The following TBX1 variants were observed in gnomAD, a reference collection of about 807,000 sequenced individuals.
TBX1 encodes the protein T-box transcription factor TBX1.
A neutral mutation model predicts 40.8 loss-of-function variants in TBX1; 16 were observed. That is an observed-to-expected ratio of 0.39 (90% CI 0.27 to 0.60). The LOEUF (loss-of-function observed/expected upper bound fraction) is 0.60, where lower values mean the gene tolerates loss of function less well. Ranked by LOEUF, TBX1 falls within the 20% of genes least tolerant of loss-of-function variation. The pLI, the probability that TBX1 is intolerant of heterozygous loss-of-function variation, is 0.51. For missense variants in TBX1, 755 were observed against 728.5 expected, an observed-to-expected ratio of 1.04 and a Z score of -0.42; for synonymous variants, 403 against 336.8, an observed-to-expected ratio of 1.20 and a Z score of -2.15.
chr22:19,773,991 G>A (rs761010935), intron 8 of TBX1, among the ~76,000 whole-genome samples: 31 of 152,240 alleles, frequency 2.0e-4, no homozygotes, highest in Non-Finnish European at 3.7e-4. Context: ...TTGAGCTGCA[G>A]GACAGAGATC....
chr22:19,769,744 G>A (rs1936956825), downstream of TBX1, among the ~76,000 whole-genome samples: 1 of 152,272 alleles, frequency 6.6e-6, no homozygotes, highest in African/African-American at 2.4e-5. Flanking sequence ...GATGGTGGCA[G>A]GAGATGGAGC....
downstream of TBX1, among the ~76,000 whole-genome samples, chr22:19,770,574 G>T (rs1936973247): frequency 6.6e-6 from 1 of 152,246 alleles, no homozygotes; most frequent in African/African-American, 2.4e-5. Context: ...ACCTTGAGCT[G>T]CGGAGGAAGA....
chr22:19,760,032 C>A (rs779864328), upstream of TBX1, among the ~76,000 whole-genome samples: 1 of 151,818 alleles, frequency 6.6e-6, no homozygotes, highest in Non-Finnish European at 1.5e-5. Flanking sequence ...CTCGAGGAAG[C>A]CGTGGAGACG....
At chr22:19,757,120 GA>G (rs1569014696), upstream of TBX1, among the ~76,000 whole-genome samples, 1 of 152,182 alleles carries the variant, frequency 6.6e-6, no homozygotes, top group Non-Finnish European at 1.5e-5. Flanking sequence ...CCGGGGGTCC[GA>G]AATCAAGCGA....
At chr22:19,763,508 G>T in intron 2 of TBX1, 166 bp downstream of exon 2, 1 of 661,714 alleles carries the variant, frequency 1.5e-6, no homozygotes, top group South Asian at 1.7e-5. Context: ...TCTGACCCCA[G>T]ACCCACAACC....
At chr22:19,777,920 C>T (rs41297838) in intron 8 of TBX1, among the ~76,000 whole-genome samples, 22,525 of 151,732 alleles carry the variant, frequency 0.15, 2,400 homozygotes, top group East Asian at 0.44. Flanking sequence ...CCACCATGCC[C>T]GGCTAATTTT....
chr22:19,768,953 C>CTTTTT (rs36085623), downstream of TBX1, among the ~76,000 whole-genome samples: 63 of 66,118 alleles, frequency 9.5e-4, 7 homozygotes, highest in East Asian at 2.8e-3. Flanking sequence ...TGTTCGCATT[C>CTTTTT]TTTTTTTTTT....
At chr22:19,765,251 C>A in intron 4 of TBX1, 138 bp downstream of exon 4, 1 of 1,340,774 alleles carries the variant, frequency 7.5e-7, no homozygotes, top group Admixed American at 1.8e-5. Context: ...CCAACTGGAG[C>A]CCCACTCCCA....
At chr22:19,771,199 A>G (rs763052751), downstream of TBX1, among the ~76,000 whole-genome samples, 3 of 152,208 alleles carry the variant, frequency 2.0e-5, no homozygotes, top group Admixed American at 1.3e-4. Context: ...GAGCCTGGCC[A>G]AGGAGCAGGT....
downstream of TBX1, among the ~76,000 whole-genome samples, chr22:19,781,166 C>T (rs563839658): frequency 6.6e-6 from 1 of 152,306 alleles, no homozygotes; most frequent in East Asian, 1.9e-4. Context: ...TGCATTTCCC[C>T]AGAGGATAGT....
In TBX1 at chr22:19,765,119, G is replaced by A. The variant is rs745566253; in HGVS notation, c.867+6G>A. ...CTGCCTACCAGAACCATCGGGTGAGGGCCTGTGGGGAGGACCTGAGCGGAT... is the reference window on the plus strand; with the variant it reads ...CTGCCTACCAGAACCATCGGGTGAGAGCCTGTGGGGAGGACCTGAGCGGAT... On this transcript the variant is annotated splice_donor_region_variant and intron_variant, in intron 4 of 6. Transcript: ENST00000649276. 5 of 1,614,142 alleles carry A rather than the reference G, an allele frequency of 3.1e-6. No individual in the cohort carries two copies. Among genetic ancestry groups the A allele is most frequent in the Non-Finnish European group, 4.2e-6 (5 of 1,180,010 alleles).
chr22:19,777,581 T>C (rs1937085452), intron 8 of TBX1, among the ~76,000 whole-genome samples: 3 of 152,246 alleles, frequency 2.0e-5, no homozygotes, highest in Non-Finnish European at 4.4e-5. Context: ...TACCCAGTAA[T>C]GGGGTGGCTG....
At chr22:19,767,504 G>T (rs13058730), downstream of TBX1, among the ~76,000 whole-genome samples, 1 of 152,156 alleles carries the variant, frequency 6.6e-6, no homozygotes, top group Non-Finnish European at 1.5e-5. Flanking sequence ...CCTGCCCTCT[G>T]CCCGCCCCAT....
At chr22:19,777,807 T>G (rs968407370) in intron 8 of TBX1, among the ~76,000 whole-genome samples, 2 of 150,064 alleles carry the variant, frequency 1.3e-5, no homozygotes, top group Non-Finnish European at 3.0e-5. Context: ...CCCCCCAGCC[T>G]GGAGTGCAGT....
chr22:19,781,041 CAA>C (rs780029294), downstream of TBX1, among the ~76,000 whole-genome samples: 67 of 152,286 alleles, frequency 4.4e-4, no homozygotes, highest in Non-Finnish European at 8.4e-4. Context: ...CTCAGCCTCC[CAA>C]AGTGCTGGGA....
At chr22:19,764,047 C>T (rs1936753002) in intron 2 of TBX1, 108 bp from the exon 3 acceptor site, 3 of 1,279,066 alleles carry the variant, frequency 2.3e-6, no homozygotes, top group Non-Finnish European at 3.3e-6. Context: ...GGTTCAATCT[C>T]ACAGGTGGGG....
chr22:19,765,018 C>A lies in TBX1; in HGVS notation c.772C>A (p.Arg258Ser), dbSNP rs1316113778. The A allele has an allele frequency of 6.2e-7, 1 of 1,614,178 alleles. No individual in the cohort carries two copies. Among genetic ancestry groups the A allele is most frequent in the Non-Finnish European group, 8.5e-7 (1 of 1,180,038 alleles). The change falls in exon 4 of 7, where the codon CGC (arginine) becomes AGC (serine). Residue 258 changes from arginine (R) to serine (S), a missense_variant. Arg to Ser is a moderately radical substitution (Grantham distance 110). This residue lies in a region of TBX1 where 144 missense variants were observed against 238.0 expected (regional missense o/e 0.61). Transcript: ENST00000649276. ...PRFHVVYVDP[R>S]KDSEKYAEEN... is the part of the protein sequence containing the mutation. ...CTTCCACGTGGTCTATGTGGACCCA[C>A]GCAAAGATAGCGAGAAATATGCCGA...
chr22:19,769,830 C>T (rs1936958333), downstream of TBX1, among the ~76,000 whole-genome samples: 5 of 152,232 alleles, frequency 3.3e-5, no homozygotes, highest in Admixed American at 3.3e-4. Context: ...GCTCACAGAC[C>T]TCCAGCCTCC....
upstream of TBX1, among the ~76,000 whole-genome samples, chr22:19,759,961 G>C (rs905124469): frequency 1.3e-5 from 2 of 151,274 alleles, no homozygotes; most frequent in Non-Finnish European, 2.9e-5. Context: ...AGCCTGGAGA[G>C]GGGGGAGGAA....
Sources: allele counts gnomAD v4.1 joint callset (sites outside exome capture counted in the v4.1 genomes callset), GRCh38; gene constraint gnomAD v4.1.1; regional missense constraint gnomAD v4.1.1; transcripts MANE v1.5; gene names NCBI Gene and HGNC (gene_info 2026-07-23, HGNC 2026-07-21).